EYS: variants seen among roughly 807,000 people sequenced by gnomAD.
EYS encodes protein eyes shut homolog.
In EYS, 250 loss-of-function variants were observed where a neutral mutation model predicts 282.1. The observed-to-expected ratio is 0.89, with a 90% CI of 0.80 to 0.98. The LOEUF (loss-of-function observed/expected upper bound fraction) is 0.98, where lower values mean the gene tolerates loss of function less well. Among genes scored for constraint, EYS ranks in the 50% least tolerant of loss-of-function variants. The probability of loss-of-function intolerance (pLI) is 0.00; values close to 1 mark genes in which losing one functional copy is unlikely to be tolerated. For synonymous variants in EYS, 1,355 were observed against 1,282.9 expected (o/e 1.06, Z -1.20); for missense variants, 4,016 against 3,709.0 (o/e 1.08, Z -2.15).
At chr6:64,581,097 G>A (rs1020792254) in intron 26 of EYS, among the ~76,000 whole-genome samples, 32 of 152,122 alleles carry the variant, frequency 2.1e-4, no homozygotes, top group African/African-American at 7.7e-4. Context: ...GCAGATATTT[G>A]AAGCTATGAG....
At chr6:65,458,832 C>A (rs1764719264) in intron 5 of EYS, among the ~76,000 whole-genome samples, 1 of 151,908 alleles carries the variant, frequency 6.6e-6, no homozygotes, top group African/African-American at 2.4e-5. Context: ...CTGAATTTTG[C>A]CAGACACTGA....
chr6:65,264,321 A>G (rs2150260454), intron 12 of EYS, among the ~76,000 whole-genome samples: 1 of 152,244 alleles, frequency 6.6e-6, no homozygotes, highest in Non-Finnish European at 1.5e-5. Flanking sequence ...TTAAATACCC[A>G]AGTTATTCTT....
At chr6:63,917,775 T>C (rs1161815818) in intron 35 of EYS, among the ~76,000 whole-genome samples, 1 of 152,224 alleles carries the variant, frequency 6.6e-6, no homozygotes, top group Non-Finnish European at 1.5e-5. Flanking sequence ...ACCCTGGGGA[T>C]GTATGCTCCC....
chr6:64,322,320 G>A lies in EYS; in HGVS notation c.6079-15238C>T, dbSNP rs911375893. Among the ~76,000 whole-genome samples the A allele has an allele frequency of 2.0e-5, 3 of 152,088 alleles. No individual in the cohort carries two copies. The East Asian group carries it at 5.8e-4, about 29-fold the overall frequency. On this transcript the variant is annotated intron_variant, in intron 29 of 42. Transcript: ENST00000503581. ...ATAGCATATGTGGGGCTAGGTGTTGGTGCAATATCATGTTAGTAGAAACCC... is the reference window on the plus strand; with the variant it reads ...ATAGCATATGTGGGGCTAGGTGTTGATGCAATATCATGTTAGTAGAAACCC...
intron 12 of EYS, among the ~76,000 whole-genome samples, chr6:65,118,542 G>A (rs1286538586): frequency 6.6e-6 from 1 of 152,156 alleles, no homozygotes; most frequent in Non-Finnish European, 1.5e-5. Context: ...TGTGTTTGCA[G>A]CTCGTCAAGC....
chr6:64,045,935 CAT>C (rs952377027), intron 33 of EYS, among the ~76,000 whole-genome samples: 7 of 145,500 alleles, frequency 4.8e-5, no homozygotes, highest in African/African-American at 1.5e-4. Flanking sequence ...ATATATAATA[CAT>C]ATATGTGTGT....
intron 31 of EYS, among the ~76,000 whole-genome samples, chr6:64,124,129 C>G (rs1030581334): frequency 1.3e-5 from 2 of 152,138 alleles, no homozygotes; most frequent in African/African-American, 4.8e-5. Context: ...ATGTTTAAAG[C>G]AAGGATTCTT....
intron 12 of EYS, among the ~76,000 whole-genome samples, chr6:65,076,906 A>G (rs1469545053): frequency 1.3e-5 from 2 of 152,058 alleles, no homozygotes; most frequent in African/African-American, 4.8e-5. Context: ...CCAGATATTC[A>G]GACTGCTCTT....
chr6:65,344,239 T>TCA, intron 9 of EYS, 62 bp from the exon 10 acceptor site: 4 of 1,322,774 alleles, frequency 3.0e-6, no homozygotes, highest in Non-Finnish European at 4.3e-6. Flanking sequence ...CAGAATGAAT[T>TCA]ATTAAGGACT....
intron 8 of EYS, among the ~76,000 whole-genome samples, chr6:65,368,923 G>A (rs1213259623): frequency 6.6e-6 from 1 of 151,350 alleles, no homozygotes; most frequent in Non-Finnish European, 1.5e-5. Flanking sequence ...TGAATGAAAT[G>A]GATCATGATC....
At chr6:64,076,206 A>G (rs914616428) in intron 32 of EYS, among the ~76,000 whole-genome samples, 2 of 151,984 alleles carry the variant, frequency 1.3e-5, no homozygotes, top group Admixed American at 1.3e-4. Context: ...GTTTCTATTT[A>G]TCAGAGGAAT....
intron 12 of EYS, among the ~76,000 whole-genome samples, chr6:65,256,262 C>CTTTTTTTTTTTTTTTTTT (rs561232052): frequency 7.3e-6 from 1 of 137,236 alleles, no homozygotes; most frequent in Non-Finnish European, 1.6e-5. Flanking sequence ...AGACAAACTT[C>CTTTTTTTTTTTTTTTTTT]TTTTTTTTTT....
chr6:64,757,383 A>AT (rs1772976057), intron 22 of EYS, among the ~76,000 whole-genome samples: 1 of 152,098 alleles, frequency 6.6e-6, no homozygotes, highest in Non-Finnish European at 1.5e-5. Context: ...CTCTTACCAT[A>AT]ACTTTCTTTA....
At chr6:65,269,622 T>C (rs1289723947) in intron 12 of EYS, among the ~76,000 whole-genome samples, 1 of 152,136 alleles carries the variant, frequency 6.6e-6, no homozygotes, top group East Asian at 1.9e-4. Flanking sequence ...TACCATATAC[T>C]AGGTGGCCTA....
chr6:64,283,585 A>G (rs757508632), intron 30 of EYS, among the ~76,000 whole-genome samples: 1 of 152,188 alleles, frequency 6.6e-6, no homozygotes, highest in Non-Finnish European at 1.5e-5. Context: ...TCTCTAGTCT[A>G]TTAGAAGTAA....
At chr6:64,717,842 C>T (rs1016581193) in intron 22 of EYS, among the ~76,000 whole-genome samples, 2 of 152,100 alleles carry the variant, frequency 1.3e-5, no homozygotes, top group Non-Finnish European at 1.5e-5. Flanking sequence ...TTGGGCCACA[C>T]TATGAGAGTC....
At chr6:64,984,785 A>G (rs1382267024) in intron 14 of EYS, among the ~76,000 whole-genome samples, 4 of 151,444 alleles carry the variant, frequency 2.6e-5, no homozygotes, top group Admixed American at 1.3e-4. Context: ...GATACGATCC[A>G]GGTTTTATTC....
At chr6:64,500,726 G>A (rs1777011346) in intron 26 of EYS, among the ~76,000 whole-genome samples, 1 of 152,064 alleles carries the variant, frequency 6.6e-6, no homozygotes, top group African/African-American at 2.4e-5. Context: ...AATGCAGAGT[G>A]TGGTAAATTG....
chr6:65,199,844 C>A (rs1029264929), intron 12 of EYS, among the ~76,000 whole-genome samples: 4 of 151,950 alleles, frequency 2.6e-5, no homozygotes, highest in Non-Finnish European at 5.9e-5. Context: ...ACCAAGGATG[C>A]ATGGAGGAGA....
Sources: gnomAD v4.1 joint callset for allele counts (sites outside exome capture counted in the v4.1 genomes callset) on GRCh38, gnomAD v4.1.1 for gene constraint, MANE v1.5 for transcripts, NCBI Gene and HGNC (gene_info 2026-07-23, HGNC 2026-07-21) for gene names.